PKHD1L1: variants seen among roughly 807,000 people sequenced by gnomAD.
PKHD1L1 encodes fibrocystin-L.
Under a neutral mutation model 462.9 loss-of-function variants are expected in PKHD1L1, and 434 were observed. The ratio of observed to expected loss-of-function variants is 0.94; its 90% CI spans 0.87 to 1.02. The LOEUF (loss-of-function observed/expected upper bound fraction) is 1.02, where lower values mean the gene tolerates loss of function less well. Among genes scored for constraint, PKHD1L1 ranks in the 50% least tolerant of loss-of-function variants. PKHD1L1 has a pLI of 0.00. For missense variants in PKHD1L1, 5,202 were observed against 5,096.1 expected (o/e 1.02, Z -0.63); for synonymous variants, 1,781 against 1,750.0 (o/e 1.02, Z -0.44).
chr8:109,520,132 A>G lies in PKHD1L1; in HGVS notation c.12031+1624A>G, dbSNP rs1820474056. Among the ~76,000 whole-genome samples the G allele has an allele frequency of 2.6e-5, 4 of 152,060 alleles. 1 individual carries two copies. Among genetic ancestry groups the G allele is most frequent in the Admixed American group, 2.6e-4 (4 of 15,246 alleles). On this transcript the variant is annotated intron_variant, in intron 73 of 77. Transcript: ENST00000378402. ...GTGTTTATAAACTCTTGGTTAGAAG[A>G]GCGTAGGAAGCCTAGGCTTGTGTTG...
At chr8:109,484,696 G>C (rs1818438030) in intron 57 of PKHD1L1, among the ~76,000 whole-genome samples, 1 of 151,824 alleles carries the variant, frequency 6.6e-6, no homozygotes, top group African/African-American at 2.4e-5. Context: ...CAAAAAACTA[G>C]GGAAAAAATT....
At chr8:109,473,954 A>G (rs1402828990) in intron 50 of PKHD1L1, among the ~76,000 whole-genome samples, 2 of 152,132 alleles carry the variant, frequency 1.3e-5, no homozygotes, top group African/African-American at 2.4e-5. Flanking sequence ...CAGTTCCACT[A>G]ATGTCCCATT....
chr8:109,526,915 G>A lies in PKHD1L1; in HGVS notation c.12616G>A (p.Gly4206Ser). ...SSSNSKASTVGTYAQIMTVVI... is the reference protein window; with the variant it reads ...SSSNSKASTVSTYAQIMTVVI... Reference sequence around the variant, plus strand: ...CAGCAACAGCAAAGCATCAACTGTGGGTACATATGCCCAGATAATGACTGT... The same window carrying A: ...CAGCAACAGCAAAGCATCAACTGTGAGTACATATGCCCAGATAATGACTGT... Residue 4206 changes from glycine (G) to serine (S), a missense_variant, in exon 77 of 78, where the codon GGT becomes AGT. Gly to Ser is a moderately conservative substitution (Grantham distance 56). Coordinates refer to ENST00000378402, the MANE Select transcript of PKHD1L1 (RefSeq NM_177531.6). 3 of 1,613,416 alleles carry A rather than the reference G, an allele frequency of 1.9e-6. No homozygotes were observed. Among genetic ancestry groups the A allele is most frequent in the Non-Finnish European group, 2.5e-6 (3 of 1,179,738 alleles).
rs1298058270 is a variant in PKHD1L1 at position 109,526,835 on chromosome 8, C to A, written c.12536C>A (p.Ser4179Tyr). 6.3e-7 allele frequency: 1 copy of A among 1,579,664 alleles called. No homozygotes were observed. Among genetic ancestry groups the A allele is most frequent in the Non-Finnish European group, 8.6e-7 (1 of 1,162,040 alleles). The change falls in exon 77 of 78, where the codon TCC becomes TAC. Residue 4179 changes from serine to tyrosine, a missense_variant. Transcript: ENST00000378402. ...CTGGATAATGTTGTTGGGGTAGAAT[C>A]CAGAACTTTCAGCCTGCTGGCAGAG... ...FILDNVVGVE[S>Y]RTFSLLAESV... is the part of the protein sequence containing the mutation.
rs1366563897 is a variant in PKHD1L1 at position 109,507,739 on chromosome 8, T to C, written c.11071T>C (p.Ser3691Pro). The C allele has an allele frequency of 6.2e-7, 1 of 1,613,550 alleles. No homozygotes were observed. The highest frequency in any genetic ancestry group is 8.5e-7 in the Non-Finnish European group (1 of 1,179,672). Residue 3691 changes from serine to proline, a missense_variant, in exon 69 of 78, where the codon TCC (serine) becomes CCC (proline). By Grantham distance (74) the Ser-to-Pro change is moderately conservative. This residue lies in a region of PKHD1L1 where 698 missense variants were observed against 736.3 expected (regional missense o/e 0.95). Transcript: ENST00000378402. ...ATCTTTTCTTAGAGACATAGATGGC[T>C]CCTTTCTGGGGAATGCTGGTTCTGT... ...RKSFLRDIDG[S>P]FLGNAGSVIP...
intron 9 of PKHD1L1, 82 bp downstream of exon 9, chr8:109,390,576 A>G: frequency 2.6e-6 from 2 of 781,050 alleles, no homozygotes; most frequent in South Asian, 2.8e-5. Flanking sequence ...TTTGTGCTGT[A>G]GATGCAGAGG....
At chr8:109,462,916 TC>T (rs1294463826) in intron 48 of PKHD1L1, among the ~76,000 whole-genome samples, 2 of 152,106 alleles carry the variant, frequency 1.3e-5, no homozygotes, top group Admixed American at 1.3e-4. Context: ...TTCAGTCAGA[TC>T]TTTTGACAAG....
chr8:109,456,047 AG>A (rs1816805367), intron 45 of PKHD1L1, among the ~76,000 whole-genome samples: 1 of 152,184 alleles, frequency 6.6e-6, no homozygotes, highest in Admixed American at 6.5e-5. Context: ...ATTTTTGAAA[AG>A]TTTTATAGTC....
At chr8:109,425,990 G>A (rs927383498) in intron 24 of PKHD1L1, among the ~76,000 whole-genome samples, 2 of 151,904 alleles carry the variant, frequency 1.3e-5, no homozygotes, top group Non-Finnish European at 2.9e-5. Flanking sequence ...TCAGTTGTAC[G>A]GGACTAATCT....
chr8:109,525,927 G>A (rs1820793847), intron 76 of PKHD1L1, among the ~76,000 whole-genome samples: 1 of 152,092 alleles, frequency 6.6e-6, no homozygotes, highest in Non-Finnish European at 1.5e-5. Context: ...AAAAAAGAAT[G>A]AAAACAGGAA....
intron 9 of PKHD1L1, 37 bp downstream of exon 9, chr8:109,390,531 T>C (rs765884789): frequency 8.7e-7 from 1 of 1,155,772 alleles, no homozygotes; most frequent in Non-Finnish European, 1.2e-6. Context: ...TTATAATTGA[T>C]TCAACAGGGT....
At chr8:109,526,262 A>C (rs1306883873) in intron 76 of PKHD1L1, among the ~76,000 whole-genome samples, 1 of 152,224 alleles carries the variant, frequency 6.6e-6, no homozygotes, top group South Asian at 2.1e-4. Context: ...ACAAATGTGA[A>C]ACATGGTAAA....
chr8:109,412,522 C>T, intron 20 of PKHD1L1, 108 bp downstream of exon 20: 1 of 1,171,740 alleles, frequency 8.5e-7, no homozygotes, highest in Non-Finnish European at 1.2e-6. Flanking sequence ...AATAGTATGT[C>T]ATATTGTAAC....
intron 14 of PKHD1L1, among the ~76,000 whole-genome samples, chr8:109,402,516 C>A (rs577553621): frequency 2.6e-4 from 39 of 152,204 alleles, no homozygotes; most frequent in African/African-American, 9.1e-4. Flanking sequence ...TTGTGGATAG[C>A]TAATGCATAC....
At chr8:109,489,341 A>G (rs1386096690) in intron 59 of PKHD1L1, among the ~76,000 whole-genome samples, 5 of 151,924 alleles carry the variant, frequency 3.3e-5, no homozygotes, top group Admixed American at 3.3e-4. Context: ...ATTAAACCCC[A>G]TATTGCCTGT....
At position 109,531,463 on chromosome 8, in the gene PKHD1L1, T is replaced by G. The variant is rs530509801; in HGVS notation, c.*1373T>G. ...AGAGAGACAGAGAAAGACAGAGAGA[T>G]AGAGACAGAGACAGAGAGGGAGGGG... On this transcript the variant is annotated 3_prime_UTR_variant, in exon 78 of 78. Transcript: ENST00000378402. Among the ~76,000 whole-genome samples, 2 of 110,194 alleles carry G rather than the reference T, an allele frequency of 1.8e-5. No individual in the cohort carries two copies. The highest frequency in any genetic ancestry group is 5.3e-5 in the African/African-American group (2 of 38,026). The allele number at this position is 110,194 out of a possible 152,430, so 72.3% of individuals were successfully genotyped here. A position where few individuals can be genotyped will look rare whatever the true frequency, so the allele number is the denominator to read the frequency against.
At chr8:109,450,051 T>A (rs1213694794) in intron 40 of PKHD1L1, among the ~76,000 whole-genome samples, 1 of 152,214 alleles carries the variant, frequency 6.6e-6, no homozygotes, top group Non-Finnish European at 1.5e-5. Context: ...ACTTATTTAT[T>A]TTTAGTTAAT....
intron 62 of PKHD1L1, 120 bp downstream of exon 62, chr8:109,492,114 G>GA: frequency 1.3e-6 from 1 of 779,110 alleles, no homozygotes; most frequent in Non-Finnish European, 1.8e-6. Flanking sequence ...TGTAAGTTTC[G>GA]ATGGCCATTG....
At chr8:109,376,820 T>C (rs1811860947) in intron 2 of PKHD1L1, among the ~76,000 whole-genome samples, 1 of 152,034 alleles carries the variant, frequency 6.6e-6, no homozygotes, top group Non-Finnish European at 1.5e-5. Flanking sequence ...GAGACTAGGG[T>C]AAGAGGGGTT....
Sources: allele counts gnomAD v4.1 joint callset (sites outside exome capture counted in the v4.1 genomes callset), GRCh38; gene constraint gnomAD v4.1.1; regional missense constraint gnomAD v4.1.1; transcripts MANE v1.5; gene names NCBI Gene and HGNC (gene_info 2026-07-23, HGNC 2026-07-21).